The following ERC2 variants were observed in gnomAD, a reference collection of about 807,000 sequenced individuals.
ERC2 encodes the protein ELKS/RAB6-interacting/CAST family member 2.
Under a neutral mutation model 114.8 loss-of-function variants are expected in ERC2, and 42 were observed. The observed-to-expected ratio is 0.37, with a 90% CI of 0.29 to 0.47. ERC2 has a LOEUF of 0.47. Among genes scored for constraint, ERC2 ranks in the 20% least tolerant of loss-of-function variants. The pLI, the probability that ERC2 is intolerant of heterozygous loss-of-function variation, is 0.99. For synonymous variants in ERC2, 454 were observed against 425.5 expected (o/e 1.07, Z -0.82); for missense variants, 939 against 1,150.7 (o/e 0.82, Z 2.66).
At chr3:55,892,410 T>C (rs1165730961) in intron 13 of ERC2, among the ~76,000 whole-genome samples, 1 of 152,154 alleles carries the variant, frequency 6.6e-6, no homozygotes, top group Non-Finnish European at 1.5e-5. Context: ...GAGTCCCAGC[T>C]ACCCTGGGGG....
chr3:56,422,477 G>A (rs1006927596), intron 2 of ERC2, among the ~76,000 whole-genome samples: 1 of 152,078 alleles, frequency 6.6e-6, no homozygotes, highest in African/African-American at 2.4e-5. Context: ...ATTCTCCTCT[G>A]CTCATTTACT....
intron 3 of ERC2, among the ~76,000 whole-genome samples, chr3:56,259,386 G>A (rs964530648): frequency 4.6e-5 from 7 of 151,990 alleles, no homozygotes; most frequent in African/African-American, 1.2e-4. Flanking sequence ...AGGTCAACCC[G>A]CCTTACCGCA....
At chr3:55,779,859 T>G (rs998171352) in intron 14 of ERC2, among the ~76,000 whole-genome samples, 3 of 152,058 alleles carry the variant, frequency 2.0e-5, no homozygotes, top group Non-Finnish European at 2.9e-5. Context: ...CCACGGCAAA[T>G]TATCTTACAG....
intron 17 of ERC2, among the ~76,000 whole-genome samples, chr3:55,632,860 T>A (rs2059812219): frequency 6.6e-6 from 1 of 152,222 alleles, no homozygotes; most frequent in Non-Finnish European, 1.5e-5. Context: ...AGTTGGTTAG[T>A]CAGCTAGCTG....
At chr3:56,146,066 C>CACTTG (rs1468090722) in intron 5 of ERC2, among the ~76,000 whole-genome samples, 1 of 152,054 alleles carries the variant, frequency 6.6e-6, no homozygotes, top group Non-Finnish European at 1.5e-5. Context: ...GCAGGCAGAT[C>CACTTG]ACTTGAGATC....
intron 17 of ERC2, among the ~76,000 whole-genome samples, chr3:55,533,032 T>C (rs2053766814): frequency 6.6e-6 from 1 of 152,234 alleles, no homozygotes; most frequent in Admixed American, 6.5e-5. Flanking sequence ...TCAGAAAATG[T>C]CTTCCTAGCT....
chr3:55,963,261 A>G (rs1297337498), intron 12 of ERC2, among the ~76,000 whole-genome samples: 1 of 152,268 alleles, frequency 6.6e-6, no homozygotes, highest in African/African-American at 2.4e-5. Context: ...ATGGATGGAT[A>G]TAGCCCCAAA....
At chr3:55,596,622 G>A (rs1223986417) in intron 17 of ERC2, among the ~76,000 whole-genome samples, 1 of 152,122 alleles carries the variant, frequency 6.6e-6, no homozygotes, top group Non-Finnish European at 1.5e-5. Flanking sequence ...CTAGTTTTAT[G>A]TTGCTTTTAA....
At chr3:56,342,472 C>G (rs1240060900) in intron 2 of ERC2, among the ~76,000 whole-genome samples, 3 of 152,174 alleles carry the variant, frequency 2.0e-5, no homozygotes, top group Non-Finnish European at 2.9e-5. Context: ...TTCGGCTAAG[C>G]ACTTCAATTT....
intron 7 of ERC2, among the ~76,000 whole-genome samples, chr3:56,060,215 T>C (rs764647850): frequency 2.6e-5 from 4 of 152,222 alleles, no homozygotes; most frequent in Non-Finnish European, 5.9e-5. Context: ...CAAACAAACA[T>C]AGTCTTTCTC....
intron 2 of ERC2, among the ~76,000 whole-genome samples, chr3:56,362,169 C>T (rs79270267): frequency 6.0e-4 from 92 of 152,070 alleles, no homozygotes; most frequent in African/African-American, 2.1e-3. Flanking sequence ...GCCAGAGAGA[C>T]GGAGGAAGGG....
intron 6 of ERC2, among the ~76,000 whole-genome samples, chr3:56,083,812 T>C (rs922162093): frequency 6.6e-6 from 1 of 151,790 alleles, no homozygotes; most frequent in African/African-American, 2.4e-5. Flanking sequence ...CAACAGATAG[T>C]AGCTATACCA....
chr3:55,751,466 T>A (rs966879313), intron 14 of ERC2, among the ~76,000 whole-genome samples: 1 of 152,208 alleles, frequency 6.6e-6, no homozygotes, highest in Non-Finnish European at 1.5e-5. Flanking sequence ...TGACATACTC[T>A]GCCTCTCTTT....
At chr3:56,337,437 A>T (rs6797275) in intron 2 of ERC2, among the ~76,000 whole-genome samples, 50,160 of 152,044 alleles carry the variant, frequency 0.33, 8,363 homozygotes, top group Admixed American at 0.35. Flanking sequence ...GTAAGTACTC[A>T]ACCTCAACCT....
chr3:56,067,536 C>A (rs974157974), intron 7 of ERC2, among the ~76,000 whole-genome samples: 3 of 151,954 alleles, frequency 2.0e-5, no homozygotes, highest in African/African-American at 7.2e-5. Context: ...TGAATAATTT[C>A]TCTCTCTTAC....
intron 17 of ERC2, among the ~76,000 whole-genome samples, chr3:55,632,702 A>G (rs921779149): frequency 7.2e-5 from 11 of 152,232 alleles, no homozygotes; most frequent in African/African-American, 2.4e-4. Flanking sequence ...TCATTACATC[A>G]TAATATTTAG....
chr3:55,797,324 C>T (rs574037309), intron 14 of ERC2, among the ~76,000 whole-genome samples: 98 of 152,276 alleles, frequency 6.4e-4, no homozygotes, highest in African/African-American at 2.3e-3. Flanking sequence ...GCTCTGAGCA[C>T]AAACACCATG....
intron 3 of ERC2, among the ~76,000 whole-genome samples, chr3:56,258,362 A>G (rs1282534638): frequency 6.6e-6 from 1 of 152,216 alleles, no homozygotes; most frequent in Non-Finnish European, 1.5e-5. Context: ...TAGTCCTCCA[A>G]TAAAATATGT....
At chr3:55,791,664 T>C (rs1249808325) in intron 14 of ERC2, among the ~76,000 whole-genome samples, 2 of 152,206 alleles carry the variant, frequency 1.3e-5, no homozygotes, top group South Asian at 2.1e-4. Context: ...CAATTTTGAA[T>C]ATAGGACTCG....
Sources: allele counts gnomAD v4.1 joint callset (sites outside exome capture counted in the v4.1 genomes callset), GRCh38; gene constraint gnomAD v4.1.1; transcripts MANE v1.5; gene names NCBI Gene and HGNC (gene_info 2026-07-23, HGNC 2026-07-21).